The following FNDC3B variants were observed in gnomAD, a reference collection of about 807,000 sequenced individuals.
The protein encoded by FNDC3B is fibronectin type III domain-containing protein 3B.
FNDC3B carries 12 observed loss-of-function variants against 151.5 expected under a neutral mutation model. That is an observed-to-expected ratio of 0.08 (90% CI 0.05 to 0.13). FNDC3B has a LOEUF of 0.13. FNDC3B is among the 10% of genes least tolerant of loss of function. FNDC3B has a pLI of 1.00. For missense variants in FNDC3B, 1,214 were observed against 1,505.3 expected (o/e 0.81, Z 3.20); for synonymous variants, 528 against 549.0 (o/e 0.96, Z 0.54).
chr3:172,062,050 T>C (rs887376549), intron 1 of FNDC3B, among the ~76,000 whole-genome samples: 5 of 152,320 alleles, frequency 3.3e-5, no homozygotes, highest in Non-Finnish European at 7.3e-5. Flanking sequence ...ATGCTGGTGC[T>C]GAGGTTAAGT....
chr3:172,177,172 T>A (rs1325326605), intron 3 of FNDC3B, among the ~76,000 whole-genome samples: 1 of 118,012 alleles, frequency 8.5e-6, no homozygotes, highest in Non-Finnish European at 1.8e-5. Flanking sequence ...GAAATACACA[T>A]ATGGGCCTAG....
chr3:172,218,783 G>A (rs972092151), intron 3 of FNDC3B, among the ~76,000 whole-genome samples: 3 of 152,136 alleles, frequency 2.0e-5, no homozygotes, highest in South Asian at 2.1e-4. Context: ...CCTCTTTAGC[G>A]CCTTCCTGCC....
chr3:172,279,423 G>A (rs545581403), intron 6 of FNDC3B, among the ~76,000 whole-genome samples: 5 of 150,734 alleles, frequency 3.3e-5, no homozygotes, highest in African/African-American at 4.8e-5. Context: ...AACCTAGGCC[G>A]CTCTTGAAAA....
intron 15 of FNDC3B, 25 bp downstream of exon 15, chr3:172,335,107 GT>G (rs57479698): frequency 0.032 from 41,361 of 1,297,186 alleles, 497 homozygotes; most frequent in African/African-American, 0.18. Context: ...TGCTGCTACT[GT>G]TTTTTTTTTT....
intron 2 of FNDC3B, among the ~76,000 whole-genome samples, chr3:172,115,695 G>A (rs529499623): frequency 1.2e-3 from 183 of 152,234 alleles, no homozygotes; most frequent in African/African-American, 4.3e-3. Flanking sequence ...CAGACCCTCG[G>A]CGGTGGCATC....
chr3:172,386,468 C>G (rs991057215), intron 25 of FNDC3B, among the ~76,000 whole-genome samples: 1 of 152,136 alleles, frequency 6.6e-6, no homozygotes, highest in South Asian at 2.1e-4. Context: ...CTGGGCTGGG[C>G]GCGGTGGCTT....
chr3:172,382,817 A>T (rs1350731015), intron 25 of FNDC3B, among the ~76,000 whole-genome samples: 1 of 152,052 alleles, frequency 6.6e-6, no homozygotes, highest in Non-Finnish European at 1.5e-5. Context: ...GTTATGTTCC[A>T]TTGGTCTATA....
chr3:172,043,699 G>C (rs1033041477), intron 1 of FNDC3B, among the ~76,000 whole-genome samples: 2 of 152,242 alleles, frequency 1.3e-5, no homozygotes, highest in East Asian at 1.9e-4. Context: ...ATGTAGAGTG[G>C]ATAAAATACG....
intron 22 of FNDC3B, among the ~76,000 whole-genome samples, chr3:172,356,501 T>C (rs1734102764): frequency 6.6e-6 from 1 of 152,088 alleles, no homozygotes; most frequent in African/African-American, 2.4e-5. Context: ...TAGGTAGAGA[T>C]CTTATCTGTA....
In FNDC3B at chr3:172,175,022, T is replaced by C. The variant is rs189396059; in HGVS notation, c.187+41476T>C. Among the ~76,000 whole-genome samples the C allele has an allele frequency of 7.7e-4, 112 of 146,116 alleles. 4 individuals carry two copies. In the East Asian group the frequency reaches 0.022, roughly 29 times the overall value. On this transcript the variant is annotated intron_variant, in intron 3 of 25. Transcript: ENST00000415807. ...ATGCTTTCTCACAGGGGTTCCCAGT[T>C]GCTCTCCTCATTTCCATCTTTGCTC...
intron 17 of FNDC3B, among the ~76,000 whole-genome samples, chr3:172,341,773 C>G (rs1024015000): frequency 1.3e-5 from 2 of 152,198 alleles, no homozygotes; most frequent in Admixed American, 1.3e-4. Flanking sequence ...CATCTGTAGG[C>G]AGCATCCATT....
chr3:172,114,576 AT>A (rs1188228001), intron 2 of FNDC3B, among the ~76,000 whole-genome samples: 1 of 152,122 alleles, frequency 6.6e-6, no homozygotes, highest in African/African-American at 2.4e-5. Flanking sequence ...CTGCTTAACA[AT>A]TTTGGTTAAT....
At chr3:172,139,295 T>C (rs1232969808) in intron 3 of FNDC3B, among the ~76,000 whole-genome samples, 1 of 152,226 alleles carries the variant, frequency 6.6e-6, no homozygotes, top group African/African-American at 2.4e-5. Flanking sequence ...TTGGGTTGTC[T>C]CTTGCTTTGT....
rs1334096653 is a variant in FNDC3B, at chr3:172,189,686, C to T, written c.188-37185C>T. Among the ~76,000 whole-genome samples, 9 of 151,714 alleles carry T rather than the reference C, an allele frequency of 5.9e-5. No homozygotes were observed. In the East Asian group the frequency reaches 9.7e-4, roughly 16 times the overall value. The stretch of plus-strand genomic sequence containing the variant: ...AAAATTAGCCAGGCATGGTGGCACA[C>T]GCCTTTGGTCCCAGCTGCTCAAAAG... On this transcript the variant is annotated intron_variant, in intron 3 of 25. Transcript: ENST00000415807.
chr3:172,317,252 C>G (rs1474509877), intron 11 of FNDC3B: 1 of 406,168 alleles, frequency 2.5e-6, no homozygotes, highest in African/African-American at 2.2e-5. Flanking sequence ...GGTGCGATCT[C>G]AGCTCACTGC....
chr3:172,106,475 T>C (rs1009069771), intron 1 of FNDC3B, among the ~76,000 whole-genome samples: 3 of 152,246 alleles, frequency 2.0e-5, no homozygotes, highest in Non-Finnish European at 4.4e-5. Context: ...GTATACTTTG[T>C]TCCTTTTGGT....
Position 172,347,371 on chromosome 3 carries a change from C to T in FNDC3B, c.2514+10C>T. 1 of 1,607,030 alleles carries T rather than the reference C, an allele frequency of 6.2e-7. No homozygotes were observed. Among genetic ancestry groups the T allele is most frequent in the Non-Finnish European group, 8.5e-7 (1 of 1,176,280 alleles). Reference sequence around the variant, plus strand: ...TTGCTGTAGACTACAGGTAGGTTGACATTATTCAGATGTTACTCACAAGGA... The same window carrying T: ...TTGCTGTAGACTACAGGTAGGTTGATATTATTCAGATGTTACTCACAAGGA... On this transcript the variant is annotated intron_variant, in intron 21 of 25. Transcript: ENST00000415807.
At chr3:172,234,374 C>T (rs1190303552) in intron 4 of FNDC3B, among the ~76,000 whole-genome samples, 1 of 152,194 alleles carries the variant, frequency 6.6e-6, no homozygotes, top group Non-Finnish European at 1.5e-5. Flanking sequence ...GAAAGGTACC[C>T]AGCACATAAT....
intron 3 of FNDC3B, among the ~76,000 whole-genome samples, chr3:172,201,007 C>G (rs1725122062): frequency 6.6e-6 from 1 of 152,184 alleles, no homozygotes; most frequent in Non-Finnish European, 1.5e-5. Flanking sequence ...CATATGTGGG[C>G]AGAAAGCTAG....
Sources: gnomAD v4.1 joint callset for allele counts (sites outside exome capture counted in the v4.1 genomes callset) on GRCh38, gnomAD v4.1.1 for gene constraint, MANE v1.5 for transcripts, NCBI Gene and HGNC (gene_info 2026-07-23, HGNC 2026-07-21) for gene names.